Variants in TNS3 observed in about 807,000 individuals in gnomAD.
TNS3 encodes tensin-3.
Under a neutral mutation model 140.9 loss-of-function variants are expected in TNS3, and 45 were observed. The observed-to-expected ratio is 0.32, with a 90% CI of 0.25 to 0.41. The LOEUF (loss-of-function observed/expected upper bound fraction) is 0.41, where lower values mean the gene tolerates loss of function less well. TNS3 is among the 10% of genes least tolerant of loss of function. The pLI is 1.00. For missense variants in TNS3, 1,716 were observed against 1,906.7 expected (o/e 0.90, Z 1.86); for synonymous variants, 815 against 788.4 (o/e 1.03, Z -0.56).
At chr7:47,304,194 C>T (rs1025442686) in intron 21 of TNS3, among the ~76,000 whole-genome samples, 23 of 152,304 alleles carry the variant, frequency 1.5e-4, no homozygotes, top group African/African-American at 5.3e-4. Context: ...CTAGATGAAC[C>T]AGTTGATTAA....
At chr7:47,457,415 A>T (rs918607394) in intron 4 of TNS3, among the ~76,000 whole-genome samples, 4 of 151,936 alleles carry the variant, frequency 2.6e-5, no homozygotes, top group Non-Finnish European at 5.9e-5. Flanking sequence ...CAGGGCCTAC[A>T]GCTCCTCCCC....
chr7:47,361,219 A>AAAAAAAAAAAAAAAAAAC (rs1399614299), intron 17 of TNS3, among the ~76,000 whole-genome samples: 1 of 148,256 alleles, frequency 6.7e-6, no homozygotes, highest in Non-Finnish European at 1.5e-5. Flanking sequence ...AAAAAAAAAA[A>AAAAAAAAAAAAAAAAAAC]AAAAACAAGC....
intron 20 of TNS3, among the ~76,000 whole-genome samples, chr7:47,329,009 T>G (rs545140144): frequency 6.6e-6 from 1 of 152,192 alleles, no homozygotes; most frequent in Non-Finnish European, 1.5e-5. Flanking sequence ...AAAACTCCTA[T>G]ACATTCTACA....
intron 20 of TNS3, among the ~76,000 whole-genome samples, chr7:47,309,099 G>A (rs1233675031): frequency 1.3e-5 from 2 of 152,186 alleles, no homozygotes; most frequent in Non-Finnish European, 2.9e-5. Flanking sequence ...CAACTGTACT[G>A]TCACCATGTT....
intron 20 of TNS3, among the ~76,000 whole-genome samples, chr7:47,306,900 A>G (rs1484731414): frequency 1.2e-4 from 19 of 152,214 alleles, no homozygotes; most frequent in Admixed American, 1.2e-3. Context: ...TATATTAATC[A>G]GCACACAAAA....
intron 16 of TNS3, among the ~76,000 whole-genome samples, chr7:47,394,203 G>T (rs1792695234): frequency 6.6e-6 from 1 of 152,200 alleles, no homozygotes; most frequent in African/African-American, 2.4e-5. Context: ...CTGAATATTT[G>T]TGTCCCCTAA....
In TNS3 at chr7:47,302,990, G is replaced by C; in HGVS notation, c.3417C>G (p.Pro1139=). ...CCGCTTCTGAAGCCTTGGAAAAGTC[G>C]GGAAGGACATTTGGGAAGGGGATAC... is the stretch of plus-strand genomic sequence containing the variant. The part of the protein sequence containing the change: ...TISIPFPNVL[P]DFSKASEAAS... The change falls in exon 22 of 31, where the codon CCC becomes CCG. Residue 1139 remains proline (P), a synonymous_variant. Transcript: ENST00000311160. 3 of 1,612,566 alleles carry C rather than the reference G, an allele frequency of 1.9e-6. No individual in the cohort carries two copies. The highest frequency in any genetic ancestry group is 2.5e-6 in the Non-Finnish European group (3 of 1,178,834).
In TNS3 at chr7:47,368,933, T is replaced by C. The variant is rs778148445; in HGVS notation, c.1713A>G (p.Ser571=). ...CATAGGCCTGCATCTGGGCGGACACTGAGGGCTTTCTCAGCAGGGGCTGGG... is the reference window on the plus strand; with the variant it reads ...CATAGGCCTGCATCTGGGCGGACACCGAGGGCTTTCTCAGCAGGGGCTGGG... ...KQPQPLLRKP[S]VSAQMQAYGQ... is the part of the protein sequence containing the mutation. Residue 571 remains serine (S), a synonymous_variant, in exon 17 of 31, where the codon TCA becomes TCG. Transcript: ENST00000311160. The C allele has an allele frequency of 6.2e-7, 1 of 1,613,562 alleles. No homozygotes were observed. The highest frequency in any genetic ancestry group is 1.7e-5 in the Admixed American group (1 of 60,008).
At chr7:47,359,555 A>C (rs528096673) in intron 17 of TNS3, among the ~76,000 whole-genome samples, 1 of 152,336 alleles carries the variant, frequency 6.6e-6, no homozygotes, top group African/African-American at 2.4e-5. Flanking sequence ...TTTATGTTAC[A>C]TGTATTTCAC....
chr7:47,465,857 G>A (rs1796689227), intron 4 of TNS3, among the ~76,000 whole-genome samples: 1 of 151,604 alleles, frequency 6.6e-6, no homozygotes, highest in Admixed American at 6.6e-5. Context: ...ACAAGAGGCG[G>A]AGGTTGCTGT....
intron 16 of TNS3, among the ~76,000 whole-genome samples, chr7:47,374,662 G>A (rs963477905): frequency 3.1e-4 from 47 of 152,330 alleles, no homozygotes; most frequent in Admixed American, 9.8e-4. Context: ...CCAAACAGGA[G>A]CCCGCACCCT....
intron 20 of TNS3, among the ~76,000 whole-genome samples, chr7:47,318,830 C>T (rs182809852): frequency 2.2e-3 from 335 of 152,338 alleles, no homozygotes; most frequent in African/African-American, 7.6e-3. Context: ...AGGGTCTATG[C>T]CAATGAAGAG....
At chr7:47,344,706 T>C in intron 20 of TNS3, 49 bp downstream of exon 20, 1 of 1,552,012 alleles carries the variant, frequency 6.4e-7, no homozygotes, top group South Asian at 1.1e-5. Flanking sequence ...GACCCCGCGA[T>C]GCAGCGCCTG....
intron 5 of TNS3, among the ~76,000 whole-genome samples, chr7:47,441,110 T>C (rs183833447): frequency 4.0e-4 from 61 of 152,328 alleles, no homozygotes; most frequent in Middle Eastern, 3.4e-3. Context: ...ATGTCTACAA[T>C]GCCATTATCA....
At chr7:47,452,509 A>G (rs528374778) in intron 4 of TNS3, among the ~76,000 whole-genome samples, 25 of 152,366 alleles carry the variant, frequency 1.6e-4, no homozygotes, top group African/African-American at 5.8e-4. Context: ...ACAACAGACT[A>G]AGATTGTATC....
At chr7:47,482,446 T>C (rs1044944854) in intron 3 of TNS3, among the ~76,000 whole-genome samples, 1 of 151,648 alleles carries the variant, frequency 6.6e-6, no homozygotes, top group African/African-American at 2.4e-5. Context: ...GATGAATGGA[T>C]GAGAGAATAA....
chr7:47,511,133 C>T (rs926809677), intron 2 of TNS3, among the ~76,000 whole-genome samples: 2 of 152,220 alleles, frequency 1.3e-5, no homozygotes, highest in Non-Finnish European at 2.9e-5. Flanking sequence ...AAAAACTCTA[C>T]TGACACAATT....
At chr7:47,414,487 AC>A in intron 11 of TNS3, among the ~76,000 whole-genome samples, 1 of 152,054 alleles carries the variant, frequency 6.6e-6, no homozygotes, top group Non-Finnish European at 1.5e-5. Flanking sequence ...CCTGCATGGG[AC>A]AAGGGAGGAG....
intron 2 of TNS3, among the ~76,000 whole-genome samples, chr7:47,520,856 T>A (rs375781735): frequency 4.9e-4 from 75 of 152,348 alleles, no homozygotes; most frequent in African/African-American, 1.7e-3. Flanking sequence ...AGGGTGGGGC[T>A]GGGCTTGCCC....
Sources: allele counts gnomAD v4.1 joint callset (sites outside exome capture counted in the v4.1 genomes callset), GRCh38; gene constraint gnomAD v4.1.1; transcripts MANE v1.5; gene names NCBI Gene and HGNC (gene_info 2026-07-23, HGNC 2026-07-21).